Variants in AGBL1 observed in about 807,000 individuals in gnomAD.
AGBL1 encodes the protein AGBL carboxypeptidase 1, also known as cytosolic carboxypeptidase 4.
Under a neutral mutation model 118.9 loss-of-function variants are expected in AGBL1, and 130 were observed. The ratio of observed to expected loss-of-function variants is 1.09; its 90% CI spans 0.95 to 1.26. The LOEUF (loss-of-function observed/expected upper bound fraction) is 1.26, where lower values mean the gene tolerates loss of function less well. Ranked by LOEUF, AGBL1 falls within the 50% of genes most tolerant of loss-of-function variation. AGBL1 has a pLI of 0.00. For synonymous variants in AGBL1, 555 were observed against 478.9 expected, an observed-to-expected ratio of 1.16 and a Z score of -2.08; for missense variants, 1,584 against 1,298.1, an observed-to-expected ratio of 1.22 and a Z score of -3.38.
At chr15:86,257,846 T>C in intron 8 of AGBL1, 118 bp from the exon 9 acceptor site, 1 of 926,994 alleles carries the variant, frequency 1.1e-6, no homozygotes, top group Non-Finnish European at 1.7e-6. Flanking sequence ...GTGCAATTAA[T>C]ATTGGGCCCC....
intron 24 of AGBL1, among the ~76,000 whole-genome samples, chr15:86,990,462 C>T (rs1472253068): frequency 6.6e-6 from 1 of 151,784 alleles, no homozygotes; most frequent in Non-Finnish European, 1.5e-5. Context: ...TGCAGTGAGC[C>T]AAGATTGTGC....
intron 17 of AGBL1, among the ~76,000 whole-genome samples, chr15:86,303,971 C>A (rs543735256): frequency 5.3e-5 from 8 of 152,152 alleles, no homozygotes; most frequent in South Asian, 4.2e-4. Flanking sequence ...GGATTTGAAC[C>A]AAATCTGAAT....
At chr15:86,550,020 G>A (rs985885445) in intron 20 of AGBL1, among the ~76,000 whole-genome samples, 21 of 152,072 alleles carry the variant, frequency 1.4e-4, no homozygotes, top group African/African-American at 4.6e-4. Flanking sequence ...GAATGAATCA[G>A]TAATTTGATG....
intron 17 of AGBL1, among the ~76,000 whole-genome samples, chr15:86,365,179 T>C (rs2080869587): frequency 6.6e-6 from 1 of 151,932 alleles, no homozygotes; most frequent in South Asian, 2.1e-4. Flanking sequence ...TGAAAAAGTG[T>C]CACAGCAATG....
intron 5 of AGBL1, among the ~76,000 whole-genome samples, chr15:86,216,662 G>C (rs1212708441): frequency 2.0e-5 from 3 of 152,006 alleles, no homozygotes; most frequent in African/African-American, 7.2e-5. Context: ...TGTTTAGTTT[G>C]CTCCACATGG....
chr15:86,316,978 C>T (rs1284636927), intron 17 of AGBL1: 5 of 152,268 alleles, frequency 3.3e-5, no homozygotes, highest in Admixed American at 6.5e-5. Flanking sequence ...ACTTTCAGGG[C>T]TATGAGCCGT....
At chr15:86,474,196 T>A (rs2082519939) in intron 18 of AGBL1, among the ~76,000 whole-genome samples, 1 of 152,050 alleles carries the variant, frequency 6.6e-6, no homozygotes, top group Admixed American at 6.6e-5. Context: ...AGGTACCGGG[T>A]TCATCTCACT....
At chr15:86,881,859 T>A (rs1567222038) in intron 22 of AGBL1, among the ~76,000 whole-genome samples, 1 of 152,114 alleles carries the variant, frequency 6.6e-6, no homozygotes, top group African/African-American at 2.4e-5. Flanking sequence ...TTACATACTT[T>A]TAAATAAACA....
At chr15:86,353,723 G>A (rs570603237) in intron 17 of AGBL1, among the ~76,000 whole-genome samples, 6 of 152,166 alleles carry the variant, frequency 3.9e-5, no homozygotes, top group South Asian at 2.1e-4. Context: ...ATTCAATTTC[G>A]GACAGACAGA....
intron 22 of AGBL1, among the ~76,000 whole-genome samples, chr15:86,734,585 C>T (rs1156755147): frequency 6.6e-6 from 1 of 152,134 alleles, no homozygotes; most frequent in Non-Finnish European, 1.5e-5. Flanking sequence ...CATGCTGGTT[C>T]TCCTACCTGC....
chr15:86,710,907 A>G (rs2086544820), intron 22 of AGBL1, among the ~76,000 whole-genome samples: 1 of 152,192 alleles, frequency 6.6e-6, no homozygotes, highest in South Asian at 2.1e-4. Flanking sequence ...TTTTGGATCT[A>G]TAAAATAAGA....
chr15:86,171,693 T>C (rs1204861341), intron 5 of AGBL1, among the ~76,000 whole-genome samples: 1 of 152,130 alleles, frequency 6.6e-6, no homozygotes, highest in East Asian at 1.9e-4. Flanking sequence ...GCATACTCTA[T>C]GTAAGGGCAA....
At chr15:86,570,254 C>G (rs1024116638) in intron 21 of AGBL1, among the ~76,000 whole-genome samples, 1 of 152,208 alleles carries the variant, frequency 6.6e-6, no homozygotes, top group Non-Finnish European at 1.5e-5. Flanking sequence ...GGTCCCCAAA[C>G]ACTGGTAGGA....
intron 22 of AGBL1, among the ~76,000 whole-genome samples, chr15:86,744,156 A>G (rs991841030): frequency 2.0e-5 from 3 of 152,152 alleles, no homozygotes; most frequent in Admixed American, 6.6e-5. Context: ...AACATTTCCA[A>G]TGACTAACGG....
chr15:86,123,030 T>G (rs1359908593), intron 1 of AGBL1, among the ~76,000 whole-genome samples: 1 of 152,106 alleles, frequency 6.6e-6, no homozygotes, highest in African/African-American at 2.4e-5. Context: ...ATTTGACATA[T>G]CTTGAAATGG....
chr15:86,390,028 G>C (rs2081253321), intron 17 of AGBL1, among the ~76,000 whole-genome samples: 1 of 151,994 alleles, frequency 6.6e-6, no homozygotes, highest in Admixed American at 6.5e-5. Flanking sequence ...CTTCAAAAGA[G>C]AAATACTTGT....
chr15:86,623,486 C>T (rs573380047), intron 21 of AGBL1, among the ~76,000 whole-genome samples: 88 of 152,294 alleles, frequency 5.8e-4, no homozygotes, highest in African/African-American at 2.1e-3. Context: ...CCTCGTTTTC[C>T]AACTCTAGGT....
chr15:87,024,619 C>A (rs146013644), intron 24 of AGBL1, among the ~76,000 whole-genome samples: 4,366 of 152,024 alleles, frequency 0.029, 87 homozygotes, highest in Middle Eastern at 0.058. Flanking sequence ...GAAAGAGAGA[C>A]CCTTCCCTAA....
At chr15:86,492,982 A>T (rs1157872794) in intron 18 of AGBL1, among the ~76,000 whole-genome samples, 1 of 152,078 alleles carries the variant, frequency 6.6e-6, no homozygotes, top group Non-Finnish European at 1.5e-5. Flanking sequence ...AGGTCAAGAG[A>T]TCCAGACCAT....
Sources: allele counts gnomAD v4.1 joint callset (sites outside exome capture counted in the v4.1 genomes callset), GRCh38; gene constraint gnomAD v4.1.1; transcripts MANE v1.5; gene names NCBI Gene and HGNC (gene_info 2026-07-23, HGNC 2026-07-21).